The following PLCXD3 variants were observed in gnomAD, a reference collection of about 807,000 sequenced individuals.
The protein encoded by PLCXD3 is PI-PLC X domain-containing protein 3.
In PLCXD3, 19 loss-of-function variants were observed where a neutral mutation model predicts 25.5. The observed-to-expected ratio is 0.75, with a 90% CI of 0.52 to 1.09. The LOEUF (loss-of-function observed/expected upper bound fraction) is 1.09, where lower values mean the gene tolerates loss of function less well. PLCXD3 is among the 50% of genes least tolerant of loss of function. The probability of loss-of-function intolerance (pLI) is 0.00; values close to 1 mark genes in which losing one functional copy is unlikely to be tolerated. For missense variants in PLCXD3, 411 were observed against 388.1 expected (o/e 1.06, Z -0.50); for synonymous variants, 174 against 137.6 (o/e 1.26, Z -1.85).
At chr5:41,415,157 C>A (rs561404531) in intron 1 of PLCXD3, among the ~76,000 whole-genome samples, 1 of 152,230 alleles carries the variant, frequency 6.6e-6, no homozygotes, top group East Asian at 1.9e-4. Flanking sequence ...AAACCAAAGA[C>A]ATAGATTATT....
intron 2 of PLCXD3, among the ~76,000 whole-genome samples, chr5:41,350,242 C>T (rs939447661): frequency 6.6e-6 from 1 of 152,070 alleles, no homozygotes; most frequent in African/African-American, 2.4e-5. Flanking sequence ...TCATTGAAAA[C>T]GAATGAGGCA....
chr5:41,427,118 T>C (rs1419237876), intron 1 of PLCXD3, among the ~76,000 whole-genome samples: 1 of 152,180 alleles, frequency 6.6e-6, no homozygotes, highest in East Asian at 1.9e-4. Context: ...CTTCTCAGTG[T>C]CCATGGGAGT....
intron 1 of PLCXD3, among the ~76,000 whole-genome samples, chr5:41,474,332 T>C (rs1199950078): frequency 6.6e-6 from 1 of 152,200 alleles, no homozygotes; most frequent in Non-Finnish European, 1.5e-5. Context: ...GGGGTGTGAC[T>C]GCCCTCTGCA....
chr5:41,332,327 A>G (rs1743841242), intron 2 of PLCXD3, among the ~76,000 whole-genome samples: 2 of 152,188 alleles, frequency 1.3e-5, no homozygotes, highest in South Asian at 4.1e-4. Context: ...TATGCAGCCA[A>G]AAAACACATG....
chr5:41,309,331 G>A lies in PLCXD3; in HGVS notation c.*4286C>T, dbSNP rs899930295. On this transcript the variant is annotated 3_prime_UTR_variant, in exon 3 of 3. Transcript: ENST00000377801. ...TTATTTAAAACTGTATGTAACACAG[G>A]AGCCACCAATAAGTTATGGCAGATA... 1 of 152,488 alleles carries A rather than the reference G, an allele frequency of 6.6e-6. No individual in the cohort carries two copies. Among genetic ancestry groups the A allele is most frequent in the African/African-American group, 2.4e-5 (1 of 41,414 alleles). 9.4% of individuals were successfully genotyped at this position (152,488 alleles called of 1,614,324 possible).
intron 1 of PLCXD3, among the ~76,000 whole-genome samples, chr5:41,443,343 A>G (rs371276094): frequency 3.9e-5 from 6 of 152,050 alleles, no homozygotes; most frequent in African/African-American, 1.4e-4. Flanking sequence ...ATGCCATACC[A>G]TATAGCCTAG....
chr5:41,336,401 G>C (rs1202276520), intron 2 of PLCXD3, among the ~76,000 whole-genome samples: 1 of 152,102 alleles, frequency 6.6e-6, no homozygotes, highest in Non-Finnish European at 1.5e-5. Flanking sequence ...CTCAATGCAG[G>C]TTAATTGTTA....
At chr5:41,314,393 T>C (rs1335348564) in intron 2 of PLCXD3, among the ~76,000 whole-genome samples, 1 of 152,214 alleles carries the variant, frequency 6.6e-6, no homozygotes, top group East Asian at 1.9e-4. Context: ...AAAATATCTT[T>C]CCCTGTGGAG....
rs1440840981 is a variant in PLCXD3 at position 41,310,472 on chromosome 5, G to C, written c.*3145C>G. ...CAAGTAAAACAAAAAGTGCACCAAGGTGTATCTACCACCATCTTGGCGCCC... is the reference window on the plus strand; with the variant it reads ...CAAGTAAAACAAAAAGTGCACCAAGCTGTATCTACCACCATCTTGGCGCCC... On this transcript the variant is annotated 3_prime_UTR_variant, in exon 3 of 3. Coordinates refer to ENST00000377801, the MANE Select transcript of PLCXD3 (RefSeq NM_001005473.3). 3 of 152,414 alleles carry C rather than the reference G, an allele frequency of 2.0e-5. No individual in the cohort carries two copies. The highest frequency in any genetic ancestry group is 6.5e-5 in the Admixed American group (1 of 15,272). 9.4% of individuals were successfully genotyped at this position (152,414 alleles called of 1,614,324 possible).
intron 1 of PLCXD3, among the ~76,000 whole-genome samples, chr5:41,486,452 C>A (rs1327847023): frequency 6.6e-6 from 1 of 151,974 alleles, no homozygotes; most frequent in Non-Finnish European, 1.5e-5. Context: ...TTTTCTATGT[C>A]CAGCTGCATC....
chr5:41,452,258 G>A (rs934414658), intron 1 of PLCXD3, among the ~76,000 whole-genome samples: 2 of 152,004 alleles, frequency 1.3e-5, no homozygotes, highest in African/African-American at 4.8e-5. Flanking sequence ...GATTTCAAAT[G>A]TGCAGAACCT....
At chr5:41,462,447 T>G (rs960619661) in intron 1 of PLCXD3, among the ~76,000 whole-genome samples, 2 of 152,122 alleles carry the variant, frequency 1.3e-5, no homozygotes, top group South Asian at 2.1e-4. Context: ...GCTGGAAATA[T>G]ACACTTGGGA....
At chr5:41,331,683 C>T (rs1743809972) in intron 2 of PLCXD3, among the ~76,000 whole-genome samples, 1 of 152,180 alleles carries the variant, frequency 6.6e-6, no homozygotes, top group South Asian at 2.1e-4. Flanking sequence ...CGCTACCTGA[C>T]TTCAAACTAT....
intron 1 of PLCXD3, among the ~76,000 whole-genome samples, chr5:41,492,643 C>A (rs145647728): frequency 0.11 from 17,016 of 151,934 alleles, 1,381 homozygotes; most frequent in African/African-American, 0.23. Flanking sequence ...TCTTTTTATT[C>A]TTTTTTTCTC....
At position 41,465,353 on chromosome 5, in the gene PLCXD3, C is replaced by CTTTTTTT. The variant is rs58098437; in HGVS notation, c.103+45064_103+45070dup. 5.9e-3 allele frequency among the ~76,000 whole-genome samples: 78 copies of CTTTTTTT among 13,216 alleles called. 9 individuals are homozygous for CTTTTTTT. The highest frequency in any genetic ancestry group is 8.1e-3 in the East Asian group (3 of 370). The allele number at this position is 13,216 out of a possible 152,430, so 8.7% of individuals were successfully genotyped here. A position where few individuals can be genotyped will look rare whatever the true frequency, so the allele number is the denominator to read the frequency against. On this transcript the variant is annotated intron_variant, in intron 1 of 2. Coordinates refer to ENST00000377801, the MANE Select transcript of PLCXD3 (RefSeq NM_001005473.3). ...TCCTACTTTCCCCACTAGTTCTTGT[C>CTTTTTTT]TTTTTTTTTTTTTTTTTTTTTTTTT...
At chr5:41,496,979 TTTAAG>T (rs1383100133) in intron 1 of PLCXD3, among the ~76,000 whole-genome samples, 1 of 151,766 alleles carries the variant, frequency 6.6e-6, no homozygotes. Context: ...TTGTATGTGA[TTTAAG>T]TTATTTTTTA....
At chr5:41,419,500 A>C (rs753176781) in intron 1 of PLCXD3, among the ~76,000 whole-genome samples, 2 of 152,210 alleles carry the variant, frequency 1.3e-5, no homozygotes, top group Non-Finnish European at 2.9e-5. Flanking sequence ...ACATGGTTGA[A>C]GTTTTTGGGA....
At chr5:41,494,483 G>GTAAAAAA (rs1277446441) in intron 1 of PLCXD3, among the ~76,000 whole-genome samples, 7 of 152,136 alleles carry the variant, frequency 4.6e-5, no homozygotes, top group Admixed American at 4.6e-4. Flanking sequence ...TAGGATTTAA[G>GTAAAAAA]TAAAAAATAA....
At position 41,408,819 on chromosome 5, in the gene PLCXD3, C is replaced by T. The variant is rs73750162; in HGVS notation, c.104-26285G>A. On this transcript the variant is annotated intron_variant, in intron 1 of 2. Coordinates refer to ENST00000377801, the MANE Select transcript of PLCXD3 (RefSeq NM_001005473.3). ...AATGTATATATTTCTACATTTGTAA[C>T]GATCACCCTTCCAAATGTAGTGAGT... Among the ~76,000 whole-genome samples the T allele has an allele frequency of 5.4e-3, 816 of 152,200 alleles. 12 individuals are homozygous for T. The highest frequency in any genetic ancestry group is 0.019 in the African/African-American group (772 of 41,540).
Sources: allele counts gnomAD v4.1 joint callset (sites outside exome capture counted in the v4.1 genomes callset), GRCh38; gene constraint gnomAD v4.1.1; transcripts MANE v1.5; gene names NCBI Gene and HGNC (gene_info 2026-07-23, HGNC 2026-07-21).